The following ANKRD44 variants were observed in gnomAD, a reference collection of about 807,000 sequenced individuals.
ANKRD44 encodes ankyrin repeat domain 44, also known as serine/threonine-protein phosphatase 6 regulatory ankyrin repeat subunit B.
A neutral mutation model predicts 116.0 loss-of-function variants in ANKRD44; 35 were observed. The ratio of observed to expected loss-of-function variants is 0.30; its 90% CI spans 0.23 to 0.40. The LOEUF (loss-of-function observed/expected upper bound fraction) is 0.40, where lower values mean the gene tolerates loss of function less well. Ranked by LOEUF, ANKRD44 falls within the 10% of genes least tolerant of loss-of-function variation. ANKRD44 has a pLI of 1.00. For synonymous variants in ANKRD44, 435 were observed against 461.8 expected, an observed-to-expected ratio of 0.94 and a Z score of 0.74; for missense variants, 1,014 against 1,242.6, an observed-to-expected ratio of 0.82 and a Z score of 2.77.
intron 6 of ANKRD44, 66 bp from the exon 7 acceptor site, chr2:197,122,858 CT>C: frequency 6.4e-7 from 1 of 1,556,694 alleles, no homozygotes. Flanking sequence ...TTCATTTCAC[CT>C]AAATTATCAA....
chr2:197,122,683 A>G lies in ANKRD44; in HGVS notation c.660T>C (p.Asn220=). The change falls in exon 7 of 28, where the codon AAT becomes AAC. Residue 220 remains asparagine, a synonymous_variant. Transcript: ENST00000282272. ...CCAGGTTCAGGAGATGCTTGACAAC[A>G]TTAATCTGTCCATTGGAGGCTGCAG... is the stretch of plus-strand genomic sequence containing the variant. ...LHAAASNGQI[N]VVKHLLNLGV... 1 of 1,614,204 alleles carries G rather than the reference A, an allele frequency of 6.2e-7. No individual in the cohort carries two copies. The highest frequency in any genetic ancestry group is 8.5e-7 in the Non-Finnish European group (1 of 1,180,022).
chr2:197,139,341 C>A (rs1484202571), intron 3 of ANKRD44, among the ~76,000 whole-genome samples: 1 of 152,180 alleles, frequency 6.6e-6, no homozygotes, highest in African/African-American at 2.4e-5. Flanking sequence ...TGGAAAGGAA[C>A]AGACTGAAGT....
chr2:197,258,560 A>G (rs561938782), intron 1 of ANKRD44, among the ~76,000 whole-genome samples: 1 of 152,242 alleles, frequency 6.6e-6, no homozygotes, highest in South Asian at 2.1e-4. Flanking sequence ...GAATGTACTA[A>G]TATCTGTTCA....
At chr2:197,160,825 C>T (rs981689226) in intron 2 of ANKRD44, among the ~76,000 whole-genome samples, 1 of 152,082 alleles carries the variant, frequency 6.6e-6, no homozygotes, top group African/African-American at 2.4e-5. Context: ...CTCTCCTCAC[C>T]CAAAGCTGAA....
At chr2:197,004,498 A>G (rs1370942829) in intron 21 of ANKRD44, among the ~76,000 whole-genome samples, 1 of 152,210 alleles carries the variant, frequency 6.6e-6, no homozygotes, top group Admixed American at 6.5e-5. Context: ...TGGAAAAAGT[A>G]ATTTCTAGAA....
intron 2 of ANKRD44, among the ~76,000 whole-genome samples, chr2:197,149,005 A>G (rs1308688996): frequency 1.3e-5 from 2 of 152,252 alleles, no homozygotes; most frequent in Non-Finnish European, 2.9e-5. Context: ...TGAACTATAT[A>G]AGCTGAGAAC....
At chr2:197,042,065 T>C (rs766727090) in intron 16 of ANKRD44, among the ~76,000 whole-genome samples, 5 of 152,158 alleles carry the variant, frequency 3.3e-5, no homozygotes, top group African/African-American at 9.7e-5. Context: ...AAAGCCTATA[T>C]AAAAATCATA....
chr2:196,981,043 C>T (rs2125864995), intron 21 of ANKRD44, among the ~76,000 whole-genome samples: 1 of 152,244 alleles, frequency 6.6e-6, no homozygotes, highest in Middle Eastern at 3.4e-3. Context: ...ACCACCCACT[C>T]CCATGGTTAT....
intron 1 of ANKRD44, among the ~76,000 whole-genome samples, chr2:197,285,410 G>A (rs2083380681): frequency 6.6e-6 from 1 of 152,126 alleles, no homozygotes; most frequent in African/African-American, 2.4e-5. Context: ...AGCAACTAGA[G>A]GAAACAGGTT....
At chr2:197,044,531 T>C (rs935584841) in intron 16 of ANKRD44, among the ~76,000 whole-genome samples, 1 of 152,138 alleles carries the variant, frequency 6.6e-6, no homozygotes, top group Non-Finnish European at 1.5e-5. Context: ...CAGCTAATTT[T>C]TGTATCTTTA....
chr2:197,119,537 A>G (rs2078802889), intron 8 of ANKRD44, among the ~76,000 whole-genome samples: 1 of 152,218 alleles, frequency 6.6e-6, no homozygotes, highest in African/African-American at 2.4e-5. Flanking sequence ...CCGAGCCACC[A>G]CACTTGGCAT....
At chr2:197,042,885 C>T (rs1169613791) in intron 16 of ANKRD44, among the ~76,000 whole-genome samples, 1 of 152,146 alleles carries the variant, frequency 6.6e-6, no homozygotes, top group Non-Finnish European at 1.5e-5. Flanking sequence ...TCATATAAAA[C>T]TCACTGCAGT....
intron 2 of ANKRD44, among the ~76,000 whole-genome samples, chr2:197,176,583 G>A (rs866493551): frequency 1.3e-5 from 2 of 152,112 alleles, no homozygotes; most frequent in African/African-American, 4.8e-5. Flanking sequence ...ATAGCAGCTT[G>A]GCTGTAAAGG....
At chr2:197,185,174 G>A (rs573083230) in intron 2 of ANKRD44, among the ~76,000 whole-genome samples, 3 of 152,324 alleles carry the variant, frequency 2.0e-5, no homozygotes, top group South Asian at 2.1e-4. Flanking sequence ...AGCACAGGTC[G>A]CAACCCGCAG....
intron 1 of ANKRD44, among the ~76,000 whole-genome samples, chr2:197,273,867 TTAAGCTGA>T (rs921163208): frequency 2.7e-5 from 4 of 150,278 alleles, no homozygotes; most frequent in Admixed American, 2.0e-4. Context: ...AATTAATTCC[TTAAGCTGA>T]TCCAGTGATA....
intron 17 of ANKRD44, among the ~76,000 whole-genome samples, chr2:197,024,121 C>G (rs1429409586): frequency 1.3e-5 from 2 of 152,190 alleles, no homozygotes; most frequent in Admixed American, 1.3e-4. Flanking sequence ...TCTCCGCTCT[C>G]TTGCCTGAAC....
intron 1 of ANKRD44, among the ~76,000 whole-genome samples, chr2:197,248,936 T>G (rs545842960): frequency 6.6e-6 from 1 of 152,110 alleles, no homozygotes; most frequent in Non-Finnish European, 1.5e-5. Flanking sequence ...AATTCTGTAA[T>G]ATATAAGAAA....
At chr2:196,968,824 T>C (rs1291076457) in intron 21 of ANKRD44, among the ~76,000 whole-genome samples, 1 of 151,698 alleles carries the variant, frequency 6.6e-6, no homozygotes, top group African/African-American at 2.4e-5. Flanking sequence ...ACTATTGTCT[T>C]TCCATTTTGA....
At chr2:197,031,804 C>G (rs2076713155) in intron 16 of ANKRD44, among the ~76,000 whole-genome samples, 1 of 151,854 alleles carries the variant, frequency 6.6e-6, no homozygotes, top group Non-Finnish European at 1.5e-5. Flanking sequence ...AAAACAGAAT[C>G]TGGAACTTAA....
Sources: gnomAD v4.1 joint callset for allele counts (sites outside exome capture counted in the v4.1 genomes callset) on GRCh38, gnomAD v4.1.1 for gene constraint, MANE v1.5 for transcripts, NCBI Gene and HGNC (gene_info 2026-07-23, HGNC 2026-07-21) for gene names.